Variants in PRH1 observed in about 807,000 individuals in gnomAD.
PRH1 encodes the protein salivary acidic proline-rich phosphoprotein 1/2.
PRH1 carries 7 observed loss-of-function variants against 7.9 expected under a neutral mutation model. That is an observed-to-expected ratio of 0.89 (90% confidence interval 0.50 to 1.67). The LOEUF is 1.67. Among genes scored for constraint, PRH1 ranks in the 40% most tolerant of loss-of-function variants. The pLI is 0.00. For missense variants in PRH1, 109 were observed against 223.6 expected (o/e 0.49, Z 3.27); for synonymous variants, 45 against 80.8 (o/e 0.56, Z 2.38).
chr12:11,108,352 GAA>G lies in PRH1; in HGVS notation n.124-61166_124-61165del, dbSNP rs545116760. Among the ~76,000 whole-genome samples the G allele has an allele frequency of 1.6e-3, 237 of 151,982 alleles. 5 individuals carry two copies. In the South Asian group the frequency reaches 0.048, roughly 31 times the overall value. Reference sequence around the variant, plus strand: ...AAAAACTAAATGATGAAGTAATAATGAAAAAAAATAGTGGAGTGGCTGGCAAA... The same window carrying G: ...AAAAACTAAATGATGAAGTAATAATGAAAAAATAGTGGAGTGGCTGGCAAA... On this transcript the variant is annotated intron_variant and non_coding_transcript_variant, in intron 1 of 4. Transcript: ENST00000541977.
intron 1 of PRH1, among the ~76,000 whole-genome samples, chr12:11,064,168 G>A (rs1943716392): frequency 6.6e-6 from 1 of 152,032 alleles, no homozygotes; most frequent in African/African-American, 2.4e-5. Flanking sequence ...CAAAATTTAT[G>A]GTGATTATTT....
intron 1 of PRH1, among the ~76,000 whole-genome samples, chr12:11,144,305 G>A (rs1185568988): frequency 6.6e-6 from 1 of 152,084 alleles, no homozygotes; most frequent in East Asian, 1.9e-4. Context: ...CAGGTCACTG[G>A]AGTTGGGTAC....
At chr12:10,966,816 T>TA (rs1938519918) in intron 2 of PRH1, among the ~76,000 whole-genome samples, 1 of 151,770 alleles carries the variant, frequency 6.6e-6, no homozygotes, top group South Asian at 2.1e-4. Context: ...TCATGCAAGG[T>TA]AGATAATTAA....
At chr12:11,020,170 G>A (rs1174749286) in intron 1 of PRH1, among the ~76,000 whole-genome samples, 1 of 152,206 alleles carries the variant, frequency 6.6e-6, no homozygotes, top group Non-Finnish European at 1.5e-5. Context: ...ATTTTATGAT[G>A]AGCTTCATTT....
At chr12:11,133,241 G>A (rs756017677) in intron 1 of PRH1, 1 of 1,544,392 alleles carries the variant, frequency 6.5e-7, no homozygotes, top group East Asian at 2.2e-5. Context: ...AGAAAACCCA[G>A]TAAGAAATAT....
intron 1 of PRH1, among the ~76,000 whole-genome samples, chr12:11,104,083 C>T (rs1159881960): frequency 2.7e-5 from 4 of 148,682 alleles, no homozygotes; most frequent in African/African-American, 7.5e-5. Flanking sequence ...TTGATGTGGA[C>T]ACTAGGATGT....
At chr12:10,976,047 G>A (rs1001387680) in intron 1 of PRH1, among the ~76,000 whole-genome samples, 1 of 152,090 alleles carries the variant, frequency 6.6e-6, no homozygotes, top group East Asian at 1.9e-4. Flanking sequence ...CTCAGAATCT[G>A]AACTAAACAC....
downstream of PRH1, among the ~76,000 whole-genome samples, chr12:11,119,945 A>G (rs1304452551): frequency 6.6e-6 from 1 of 152,234 alleles, no homozygotes; most frequent in African/African-American, 2.4e-5. Flanking sequence ...TACATTAACA[A>G]ACATGGGAGT....
chr12:11,011,729 C>T (rs7316239), intron 1 of PRH1, among the ~76,000 whole-genome samples: 46,334 of 151,940 alleles, frequency 0.3, 8,940 homozygotes, highest in East Asian at 0.74. Context: ...TTAAAAGACT[C>T]CAAGGTTTTC....
At chr12:11,134,305 T>C in intron 1 of PRH1, 5 of 1,219,466 alleles carry the variant, frequency 4.1e-6, no homozygotes, top group Admixed American at 5.6e-5. Context: ...TTGTGATTGC[T>C]TGAATATCCT....
intron 1 of PRH1, among the ~76,000 whole-genome samples, chr12:11,131,225 G>C (rs2599398): frequency 0.46 from 69,233 of 152,092 alleles, 16,564 homozygotes; most frequent in Non-Finnish European, 0.53. Flanking sequence ...TGCCAGCTGT[G>C]GTTTCCCTTT....
intron 2 of PRH1, chr12:10,908,835 C>CA (rs1949848805): frequency 6.2e-7 from 1 of 1,613,744 alleles, no homozygotes; most frequent in African/African-American, 1.3e-5. Flanking sequence ...TCGGTCCAGC[C>CA]AGTCTTTTAT....
Position 11,070,223 on chromosome 12 carries a change from T to C in PRH1, n.124-23035A>G, listed in dbSNP as rs569099777. 5.9e-5 allele frequency among the ~76,000 whole-genome samples: 9 copies of C among 152,200 alleles called. No homozygotes were observed. The East Asian group carries it at 1.5e-3, about 26-fold the overall frequency. On this transcript the variant is annotated intron_variant and non_coding_transcript_variant, in intron 1 of 4. Transcript: ENST00000541977. ...GGTAGTCAGCAGCTCAGGAATAGGG[T>C]GAGTAGGCTAAGGCATGCGTGTTAA...
At chr12:11,167,668 G>C (rs1947622348) in intron 1 of PRH1, among the ~76,000 whole-genome samples, 1 of 152,004 alleles carries the variant, frequency 6.6e-6, no homozygotes, top group Non-Finnish European at 1.5e-5. Context: ...GGATGGCCCA[G>C]ATCTCCTGAC....
At chr12:11,148,836 G>C (rs1321681736) in intron 1 of PRH1, among the ~76,000 whole-genome samples, 1 of 127,698 alleles carries the variant, frequency 7.8e-6, no homozygotes, top group African/African-American at 2.7e-5. Flanking sequence ...TTTTTCTATT[G>C]ATTGGAATAG....
chr12:11,115,099 A>G (rs1441216878), intron 1 of PRH1, among the ~76,000 whole-genome samples: 1 of 152,174 alleles, frequency 6.6e-6, no homozygotes, highest in African/African-American at 2.4e-5. Flanking sequence ...CAAAAGACAT[A>G]GTCTGGCTAA....
chr12:10,918,034 G>A (rs1484103277), intron 2 of PRH1, among the ~76,000 whole-genome samples: 1 of 152,188 alleles, frequency 6.6e-6, no homozygotes, highest in Non-Finnish European at 1.5e-5. Flanking sequence ...TCAATATTAT[G>A]CAGCCTTAAA....
chr12:11,022,599 T>C, intron 1 of PRH1: 6 of 1,514,696 alleles, frequency 4.0e-6, no homozygotes, highest in Non-Finnish European at 5.4e-6. Context: ...AATGCAGGCT[T>C]AGTAACACTT....
intron 1 of PRH1, chr12:10,986,392 C>T: frequency 6.2e-7 from 1 of 1,614,012 alleles, no homozygotes; most frequent in South Asian, 1.1e-5. Context: ...CCTTCATATT[C>T]TTCTGCCCAC....
Sources: gnomAD v4.1 joint callset for allele counts (sites outside exome capture counted in the v4.1 genomes callset) on GRCh38, gnomAD v4.1.1 for gene constraint, MANE v1.5 for transcripts, NCBI Gene and HGNC (gene_info 2026-07-23, HGNC 2026-07-21) for gene names.